Variants in LEKR1 observed in about 807,000 individuals in gnomAD.
The protein encoded by LEKR1 is protein LEKR1.
Under a neutral mutation model 72.4 loss-of-function variants are expected in LEKR1, and 59 were observed. The ratio of observed to expected loss-of-function variants is 0.82; its 90% CI spans 0.66 to 1.01. The LOEUF (loss-of-function observed/expected upper bound fraction) is 1.01. Among genes scored for constraint, LEKR1 ranks in the 50% least tolerant of loss-of-function variants. The pLI is 0.00. For synonymous variants in LEKR1, 257 were observed against 263.2 expected (o/e 0.98, Z 0.23); for missense variants, 728 against 759.2 (o/e 0.96, Z 0.48).
intron 6 of LEKR1, among the ~76,000 whole-genome samples, chr3:156,961,677 A>C (rs994167159): frequency 2.6e-5 from 4 of 152,206 alleles, no homozygotes; most frequent in African/African-American, 9.6e-5. Flanking sequence ...GTTCAGTTGG[A>C]AAAAATACTG....
chr3:156,986,493 G>A (rs1254721981), intron 7 of LEKR1, among the ~76,000 whole-genome samples: 1 of 152,170 alleles, frequency 6.6e-6, no homozygotes, highest in Non-Finnish European at 1.5e-5. Flanking sequence ...AGGTCAATCT[G>A]ATTTACTGAT....
chr3:156,907,446 C>T (rs1329498118), intron 3 of LEKR1, among the ~76,000 whole-genome samples: 1 of 151,824 alleles, frequency 6.6e-6, no homozygotes, highest in Admixed American at 6.6e-5. Flanking sequence ...TCCATAGGAC[C>T]ATAGGTTATT....
chr3:156,929,432 T>C (rs1725005647), intron 5 of LEKR1, among the ~76,000 whole-genome samples: 1 of 152,110 alleles, frequency 6.6e-6, no homozygotes, highest in Admixed American at 6.6e-5. Flanking sequence ...AAAATACCAT[T>C]AACATAGTAG....
chr3:156,991,616 C>T (rs1430170213), intron 7 of LEKR1, among the ~76,000 whole-genome samples: 1 of 151,990 alleles, frequency 6.6e-6, no homozygotes, highest in Non-Finnish European at 1.5e-5. Flanking sequence ...TTACAAAACC[C>T]AATCATATAA....
chr3:157,012,860 A>C (rs1036507058), intron 10 of LEKR1, among the ~76,000 whole-genome samples: 4 of 152,008 alleles, frequency 2.6e-5, no homozygotes, highest in Non-Finnish European at 2.9e-5. Context: ...TATTCAACTG[A>C]CTGGTCTGCA....
At chr3:156,849,828 C>T (rs1180220659) in intron 2 of LEKR1, among the ~76,000 whole-genome samples, 2 of 152,202 alleles carry the variant, frequency 1.3e-5, no homozygotes, top group Non-Finnish European at 2.9e-5. Context: ...TAGGCAATAC[C>T]ATTCAGGACA....
intron 3 of LEKR1, among the ~76,000 whole-genome samples, chr3:156,867,643 A>G (rs981410826): frequency 2.0e-5 from 3 of 152,026 alleles, no homozygotes; most frequent in Non-Finnish European, 4.4e-5. Flanking sequence ...TTGATATTGG[A>G]TAGCACTTAT....
At chr3:156,888,313 C>T (rs1262050539) in intron 3 of LEKR1, 3 of 702,230 alleles carry the variant, frequency 4.3e-6, no homozygotes, top group East Asian at 2.7e-5. Flanking sequence ...ATACTTCAGA[C>T]TCATGCTTAG....
chr3:156,984,684 A>AT, intron 7 of LEKR1, among the ~76,000 whole-genome samples: 1 of 152,222 alleles, frequency 6.6e-6, no homozygotes, highest in South Asian at 2.1e-4. Context: ...CTCAAAAAAA[A>AT]TTTTAAAAAA....
chr3:156,894,600 G>T (rs1372492602), intron 3 of LEKR1, among the ~76,000 whole-genome samples: 1 of 152,052 alleles, frequency 6.6e-6, no homozygotes, highest in Non-Finnish European at 1.5e-5. Context: ...TTCTAAGCAA[G>T]AAGAGTAAAG....
rs1425974626 is a variant in LEKR1, at chr3:157,028,237, A to G, written c.1503A>G (p.Lys501=). 2.5e-6 allele frequency: 4 copies of G among 1,613,464 alleles called. No individual in the cohort carries two copies. The highest frequency in any genetic ancestry group is 3.4e-6 in the Non-Finnish European group (4 of 1,179,728). Residue 501 remains lysine (K), a synonymous_variant, in exon 12 of 13, where the codon AAA becomes AAG. Transcript: ENST00000356539. ...AGGAAAAAGAAATTGAAAATCTTAA[A>G]AATTTGGTTGCAGAATTTGAATCTC... ...NSKEKEIENL[K]NLVAEFESRL...
intron 12 of LEKR1, among the ~76,000 whole-genome samples, chr3:157,042,196 A>G (rs1735398574): frequency 6.6e-6 from 1 of 152,252 alleles, no homozygotes; most frequent in African/African-American, 2.4e-5. Flanking sequence ...AGAAAAGAAT[A>G]GAAGTATCAA....
At chr3:156,880,430 C>G (rs1317845734) in intron 3 of LEKR1, among the ~76,000 whole-genome samples, 3 of 152,234 alleles carry the variant, frequency 2.0e-5, no homozygotes, top group Non-Finnish European at 4.4e-5. Context: ...GACACATACA[C>G]TCTCCCAAGA....
Position 157,045,895 on chromosome 3 carries a change from G to A in LEKR1, c.*145G>A, listed in dbSNP as rs933771219. 6 of 727,372 alleles carry A rather than the reference G, an allele frequency of 8.2e-6. No homozygotes were observed. The highest frequency in any genetic ancestry group is 5.3e-5 in the African/African-American group (3 of 56,274). The allele number at this position is 727,372 out of a possible 1,614,324, so 45.1% of individuals were successfully genotyped here. A position where few individuals can be genotyped will look rare whatever the true frequency, so the allele number is the denominator to read the frequency against. On this transcript the variant is annotated 3_prime_UTR_variant, in exon 13 of 13. Transcript: ENST00000356539. ...CTATAGATGTATTTAACAAAAGACTGTAAAAAGCTGGAAAATTGTGAAGCC... is the reference window on the plus strand; with the variant it reads ...CTATAGATGTATTTAACAAAAGACTATAAAAAGCTGGAAAATTGTGAAGCC...
chr3:156,963,712 C>A (rs1728318265), intron 6 of LEKR1, among the ~76,000 whole-genome samples: 1 of 152,136 alleles, frequency 6.6e-6, no homozygotes, highest in Non-Finnish European at 1.5e-5. Flanking sequence ...CTATCACCCT[C>A]CTGGGTTAAG....
At chr3:156,980,530 G>T (rs62275837) in intron 7 of LEKR1, among the ~76,000 whole-genome samples, 4,788 of 151,486 alleles carry the variant, frequency 0.032, 112 homozygotes, top group Non-Finnish European at 0.047. Flanking sequence ...TTGGGAGATT[G>T]TTTTAAATCA....
In LEKR1 at chr3:156,843,913, G is replaced by A. The variant is rs564654843; in HGVS notation, c.49-8855G>A. Among the ~76,000 whole-genome samples the A allele has an allele frequency of 2.6e-5, 4 of 152,166 alleles. No homozygotes were observed. The East Asian group carries it at 7.7e-4, about 29-fold the overall frequency. On this transcript the variant is annotated intron_variant, in intron 2 of 12. Transcript: ENST00000356539. ...TAAAACCTTATGACAAAGGGAATAG[G>A]AAGCTGTATAATTTTTGGAGAGACT...
At chr3:156,917,895 C>T (rs556109717) in intron 3 of LEKR1, among the ~76,000 whole-genome samples, 73 of 152,144 alleles carry the variant, frequency 4.8e-4, no homozygotes, top group African/African-American at 1.6e-3. Context: ...ATAAACCAGA[C>T]TATAGCAGGG....
At chr3:156,988,503 A>G (rs535663666) in intron 7 of LEKR1, 2 of 187,434 alleles carry the variant, frequency 1.1e-5, no homozygotes, top group Admixed American at 1.1e-4. Flanking sequence ...CTAGGAAAGT[A>G]TCAAATGCTT....
Sources: gnomAD v4.1 joint callset for allele counts (sites outside exome capture counted in the v4.1 genomes callset) on GRCh38, gnomAD v4.1.1 for gene constraint, MANE v1.5 for transcripts, NCBI Gene and HGNC (gene_info 2026-07-23, HGNC 2026-07-21) for gene names.